ANKFY1: variants seen among roughly 807,000 people sequenced by gnomAD.
ANKFY1 encodes ankyrin repeat and FYVE domain containing 1.
A neutral mutation model predicts 128.3 loss-of-function variants in ANKFY1; 47 were observed. The observed-to-expected ratio is 0.37, with a 90% CI of 0.29 to 0.47. The LOEUF (loss-of-function observed/expected upper bound fraction) is 0.47. ANKFY1 is among the 20% of genes least tolerant of loss of function. ANKFY1 has a pLI of 1.00. For synonymous variants in ANKFY1, 553 were observed against 601.6 expected, an observed-to-expected ratio of 0.92 and a Z score of 1.18; for missense variants, 1,222 against 1,510.6, an observed-to-expected ratio of 0.81 and a Z score of 3.17.
intron 3 of ANKFY1, chr17:4,222,860 G>A (rs1327185916): frequency 3.1e-6 from 3 of 960,906 alleles, no homozygotes; most frequent in East Asian, 2.4e-5. Flanking sequence ...CCACCCAGAC[G>A]ACTCAGTATC....
chr17:4,262,805 ACTTTG>A (rs1421436342), intron 1 of ANKFY1, among the ~76,000 whole-genome samples: 3 of 152,166 alleles, frequency 2.0e-5, no homozygotes, highest in African/African-American at 7.2e-5. Context: ...TATCTCTGTA[ACTTTG>A]CCTAAATTCC....
chr17:4,216,773 A>G (rs2143021830), intron 4 of ANKFY1: 1 of 623,240 alleles, frequency 1.6e-6, no homozygotes, highest in Admixed American at 2.6e-5. Flanking sequence ...CAGACCAGTG[A>G]AAGAAAAGAG....
At chr17:4,211,641 G>T (rs1048234314) in intron 4 of ANKFY1, among the ~76,000 whole-genome samples, 6 of 152,228 alleles carry the variant, frequency 3.9e-5, no homozygotes, top group African/African-American at 1.4e-4. Context: ...GCCAAGGCAG[G>T]AGGAGTACTT....
rs749002322 is a variant in ANKFY1 at position 4,195,457 on chromosome 17, A to G, written c.1118T>C (p.Val373Ala). ...ATATTCATTCCCGGCCATGATGGAC[A>G]CATGTAAAGGAGTCCTGCGGGATCC... ...QDSKGRTPLH[V>A]SIMAGNEYVF... The change falls in exon 9 of 25, where the codon GTG becomes GCG. Residue 373 changes from valine to alanine, a missense_variant. By Grantham distance (64) the Val-to-Ala change is moderately conservative (BLOSUM62 0). Coordinates refer to ENST00000341657, the MANE Select transcript of ANKFY1 (RefSeq NM_001330063.2). 1 of 1,613,920 alleles carries G rather than the reference A, an allele frequency of 6.2e-7. No individual in the cohort carries two copies. Among genetic ancestry groups the G allele is most frequent in the Non-Finnish European group, 8.5e-7 (1 of 1,179,926 alleles).
rs113951932 is a variant in ANKFY1, at chr17:4,259,771, C to T, written c.10+4161G>A. On this transcript the variant is annotated intron_variant, in intron 1 of 24. Coordinates refer to ENST00000341657, the MANE Select transcript of ANKFY1 (RefSeq NM_001330063.2). ...GCAGGTGATGCTCAATAAATTCATA[C>T]ATTCCTTCAACCACAGCCATGATTC... is the stretch of plus-strand genomic sequence containing the variant. Among the ~76,000 whole-genome samples the T allele has an allele frequency of 9.9e-4, 151 of 152,308 alleles. 1 individual carries two copies. The highest frequency in any genetic ancestry group is 3.3e-3 in the African/African-American group (137 of 41,564).
chr17:4,237,764 G>A (rs796349369), intron 2 of ANKFY1, among the ~76,000 whole-genome samples: 56 of 152,148 alleles, frequency 3.7e-4, no homozygotes, highest in African/African-American at 1.3e-3. Flanking sequence ...AATCAAACAA[G>A]TCCAGTCCAT....
At chr17:4,185,523 C>T (rs1180646874) in intron 11 of ANKFY1, among the ~76,000 whole-genome samples, 1 of 151,650 alleles carries the variant, frequency 6.6e-6, no homozygotes, top group African/African-American at 2.4e-5. Context: ...TTTGAAGCAG[C>T]ATCTCGCTGT....
At chr17:4,224,503 T>C in intron 3 of ANKFY1, among the ~76,000 whole-genome samples, 1 of 152,120 alleles carries the variant, frequency 6.6e-6, no homozygotes, top group African/African-American at 2.4e-5. Flanking sequence ...CAAGATGCAA[T>C]ACTTTTCTTA....
rs1016266525 is a variant in ANKFY1, at chr17:4,165,324, C to T, written c.*2455G>A. On this transcript the variant is annotated 3_prime_UTR_variant, in exon 25 of 25. Coordinates refer to ENST00000341657, the MANE Select transcript of ANKFY1 (RefSeq NM_001330063.2). ...TAAAGTTTACTTTTCCTGCTCTACTCATTCAGAAGTGGCAACTTTCTGAAT... is the reference window on the plus strand; with the variant it reads ...TAAAGTTTACTTTTCCTGCTCTACTTATTCAGAAGTGGCAACTTTCTGAAT... 2.0e-5 allele frequency: 3 copies of T among 152,238 alleles called. No homozygotes were observed. The highest frequency in any genetic ancestry group is 2.9e-5 in the Non-Finnish European group (2 of 68,036). The allele number at this position is 152,238 out of a possible 1,614,324, so 9.4% of individuals were successfully genotyped here. A position where few individuals can be genotyped will look rare whatever the true frequency, so the allele number is the denominator to read the frequency against.
At position 4,217,123 on chromosome 17, in the gene ANKFY1, T is replaced by G. The variant is rs975460547; in HGVS notation, c.323-5A>C. 6.2e-6 allele frequency: 10 copies of G among 1,607,134 alleles called. No homozygotes were observed. Among genetic ancestry groups the G allele is most frequent in the Non-Finnish European group, 8.5e-6 (10 of 1,175,476 alleles). Reference sequence around the variant, plus strand: ...TCGTCACCTCAGGATTAGCATCTGGTTAAAGAAAGAGAGAACAACTGAAAA... The same window carrying G: ...TCGTCACCTCAGGATTAGCATCTGGGTAAAGAAAGAGAGAACAACTGAAAA... On this transcript the variant is annotated splice_polypyrimidine_tract_variant and splice_region_variant and intron_variant, in intron 3 of 24. Coordinates refer to ENST00000341657, the MANE Select transcript of ANKFY1 (RefSeq NM_001330063.2).
chr17:4,194,262 GC>G (rs1476297040), intron 10 of ANKFY1, among the ~76,000 whole-genome samples: 1 of 150,990 alleles, frequency 6.6e-6, no homozygotes, highest in Non-Finnish European at 1.5e-5. Context: ...CCGCCACCAT[GC>G]CCAGCTGATA....
chr17:4,196,178 C>A (rs1280935315), intron 8 of ANKFY1, among the ~76,000 whole-genome samples: 1 of 147,420 alleles, frequency 6.8e-6, no homozygotes, highest in African/African-American at 2.6e-5. Context: ...CACACACACA[C>A]ACACACACAC....
In ANKFY1 at chr17:4,242,404, C is replaced by A; in HGVS notation, c.55G>T (p.Glu19Ter). The change falls in exon 2 of 25, where the codon GAG becomes TAG. Residue 19 changes from glutamate to a stop codon, truncating the protein, a stop_gained. Transcript: ENST00000341657. LOFTEE classifies it high-confidence loss of function. The part of the protein sequence containing the change: ...LEKHLMLLRQ[E>*]YVKLQKKLAE... ...AGCTTCTTCTGCAGCTTGACATACT[C>A]CTGCCGCAGAAGCATCAAGTGCTTC... 6.3e-7 allele frequency: 1 copy of A among 1,585,318 alleles called. No individual in the cohort carries two copies. Among genetic ancestry groups the A allele is most frequent in the Non-Finnish European group, 8.6e-7 (1 of 1,168,588 alleles).
intron 19 of ANKFY1, among the ~76,000 whole-genome samples, chr17:4,176,460 A>G (rs1424187594): frequency 6.6e-6 from 1 of 152,158 alleles, no homozygotes; most frequent in Admixed American, 6.5e-5. Flanking sequence ...TCCACTGCCT[A>G]AAAGATACTG....
intron 1 of ANKFY1, among the ~76,000 whole-genome samples, chr17:4,243,670 T>A (rs913552172): frequency 7.2e-5 from 11 of 152,196 alleles, no homozygotes; most frequent in African/African-American, 1.4e-4. Flanking sequence ...TCTGTAATCA[T>A]ATGAACTATG....
intron 7 of ANKFY1, among the ~76,000 whole-genome samples, chr17:4,200,228 AT>A (rs1434652483): frequency 2.4e-4 from 37 of 151,914 alleles, no homozygotes; most frequent in Non-Finnish European, 4.9e-4. Flanking sequence ...TACCCGGCTA[AT>A]TTTTTTGTGT....
rs1411112745 is a variant in ANKFY1, at chr17:4,181,817, C to CCTCCACTTTTGGGGCCTGTCTTG, written c.2121+341_2121+363dup. On this transcript the variant is annotated intron_variant, in intron 15 of 24. Coordinates refer to ENST00000341657, the MANE Select transcript of ANKFY1 (RefSeq NM_001330063.2). This position sits in a 1 kb window ranked among gnomAD's most constrained non-coding sequence, Gnocchi z 4.9. ...AGCTGAATGAGAATGTGCAGGTTTG[C>CCTCCACTTTTGGGGCCTGTCTTG]CTCCACTTTTGGGGCCTGTCTTGCA... Among the ~76,000 whole-genome samples, 1 of 152,206 alleles carries CCTCCACTTTTGGGGCCTGTCTTG rather than the reference C, an allele frequency of 6.6e-6. No homozygotes were observed. The highest frequency in any genetic ancestry group is 1.5e-5 in the Non-Finnish European group (1 of 68,036).
In ANKFY1 at chr17:4,164,893, T is replaced by C. The variant is rs2059184649; in HGVS notation, c.*2886A>G. The C allele has an allele frequency of 6.5e-6, 1 of 152,676 alleles. No homozygotes were observed. The highest frequency in any genetic ancestry group is 1.5e-5 in the Non-Finnish European group (1 of 68,048). 9.5% of individuals were successfully genotyped at this position (152,676 alleles called of 1,614,324 possible). A position where few individuals can be genotyped will look rare whatever the true frequency, so the allele number is the denominator to read the frequency against. On this transcript the variant is annotated 3_prime_UTR_variant, in exon 25 of 25. Coordinates refer to ENST00000341657, the MANE Select transcript of ANKFY1 (RefSeq NM_001330063.2). ...CTGAGGTAGAGGACTAAAGGTCACG[T>C]AGACCCCACTCCTTGGAGAGAACGT...
intron 5 of ANKFY1, 82 bp from the exon 6 acceptor site, chr17:4,208,164 A>G: frequency 7.2e-7 from 1 of 1,393,420 alleles, no homozygotes; most frequent in Non-Finnish European, 9.7e-7. Flanking sequence ...TCTCAAATGC[A>G]TCAGTCAGGC....
Sources: gnomAD v4.1 joint callset for allele counts (sites outside exome capture counted in the v4.1 genomes callset) on GRCh38, gnomAD v4.1.1 for gene constraint, Gnocchi (gnomAD v3.1) non-coding constraint, MANE v1.5 for transcripts, NCBI Gene and HGNC (gene_info 2026-07-23, HGNC 2026-07-21) for gene names.